Variants in FAM184A observed in about 807,000 individuals in gnomAD.
FAM184A encodes the protein protein FAM184A.
A neutral mutation model predicts 143.8 loss-of-function variants in FAM184A; 99 were observed. The ratio of observed to expected loss-of-function variants is 0.69; its 90% confidence interval spans 0.58 to 0.81. The LOEUF is 0.81. Among genes scored for constraint, FAM184A ranks in the 40% least tolerant of loss-of-function variants. The pLI, the probability that FAM184A is intolerant of heterozygous loss-of-function variation, is 0.00. For missense variants in FAM184A, 1,217 were observed against 1,310.5 expected (o/e 0.93, Z 1.10); for synonymous variants, 427 against 446.4 (o/e 0.96, Z 0.55).
Position 118,975,212 on chromosome 6 carries a change from T to TA in FAM184A, c.2584-5_2584-4insT. On this transcript the variant is annotated splice_polypyrimidine_tract_variant and splice_region_variant and intron_variant, in intron 12 of 17. Transcript: ENST00000338891. ...TTCTACATATGTGCTCCTTACTCTG[T>TA]TAAAAAAAAAAAGTCATTTTTAGAA... 1 of 1,503,984 alleles carries TA rather than the reference T, an allele frequency of 6.6e-7. No individual in the cohort carries two copies. Among genetic ancestry groups the TA allele is most frequent in the Admixed American group, 2.3e-5 (1 of 43,254 alleles). The allele number at this position is 1,503,984 out of a possible 1,614,324, so 93.2% of individuals were successfully genotyped here.
chr6:119,048,326 A>C (rs755590451), intron 1 of FAM184A, among the ~76,000 whole-genome samples: 1 of 152,218 alleles, frequency 6.6e-6, no homozygotes, highest in Non-Finnish European at 1.5e-5. Flanking sequence ...GCACAAGACA[A>C]GGATGCCCTC....
intron 1 of FAM184A, among the ~76,000 whole-genome samples, chr6:119,143,914 A>C (rs1467582479): frequency 6.6e-6 from 1 of 152,208 alleles, no homozygotes; most frequent in Non-Finnish European, 1.5e-5. Flanking sequence ...TAAATTTTAT[A>C]TGTGCATTGT....
chr6:119,083,161 C>T (rs935856257), upstream of FAM184A, among the ~76,000 whole-genome samples: 29 of 152,176 alleles, frequency 1.9e-4, 2 homozygotes, highest in African/African-American at 6.8e-4. Flanking sequence ...GGATAAAAGG[C>T]ACCAAGTCCC....
intron 4 of FAM184A, among the ~76,000 whole-genome samples, chr6:119,017,188 A>G (rs997673837): frequency 6.6e-6 from 1 of 152,226 alleles, no homozygotes; most frequent in Non-Finnish European, 1.5e-5. Flanking sequence ...GTGAGTTAAT[A>G]CATCTGCAAG....
intron 9 of FAM184A, among the ~76,000 whole-genome samples, chr6:118,996,009 T>G (rs1784534060): frequency 6.6e-6 from 1 of 152,232 alleles, no homozygotes; most frequent in Non-Finnish European, 1.5e-5. Flanking sequence ...GCACACTCTC[T>G]TTTAAAGCTA....
chr6:118,972,540 TGAAAG>T (rs1783727156), intron 14 of FAM184A, among the ~76,000 whole-genome samples: 1 of 152,112 alleles, frequency 6.6e-6, no homozygotes, highest in African/African-American at 2.4e-5. Context: ...AGCATTAAAA[TGAAAG>T]GAGAGTCTAG....
At chr6:119,112,906 C>T (rs1473680880) in intron 1 of FAM184A, among the ~76,000 whole-genome samples, 3 of 152,206 alleles carry the variant, frequency 2.0e-5, no homozygotes, top group Non-Finnish European at 4.4e-5. Context: ...CGAAGAAAAT[C>T]AGCAAAATGA....
intron 1 of FAM184A, among the ~76,000 whole-genome samples, chr6:119,032,350 G>A (rs1172471882): frequency 6.6e-6 from 1 of 151,758 alleles, no homozygotes; most frequent in African/African-American, 2.4e-5. Flanking sequence ...TATAATGAAT[G>A]TATGTTCCTA....
chr6:119,129,884 G>A (rs757744112), intron 1 of FAM184A, among the ~76,000 whole-genome samples: 1 of 152,170 alleles, frequency 6.6e-6, no homozygotes, highest in Non-Finnish European at 1.5e-5. Context: ...CTTTGGGGAT[G>A]TGGCCCAGAA....
chr6:118,975,104 A>T lies in FAM184A; in HGVS notation c.2688T>A (p.Asn896Lys). 1 of 1,613,346 alleles carries T rather than the reference A, an allele frequency of 6.2e-7. No individual in the cohort carries two copies. Among genetic ancestry groups the T allele is most frequent in the South Asian group, 1.1e-5 (1 of 91,042 alleles). Residue 896 changes from asparagine to lysine, a missense_variant, in exon 13 of 18, where the codon AAT (asparagine) becomes AAA (lysine). Coordinates refer to ENST00000338891, the MANE Select transcript of FAM184A (RefSeq NM_024581.6). The part of the protein sequence containing the change: ...LDKEVQHLHE[N>K]ISALTKELEF... ...CCAGTTCTTTGGTTAGGGCACTTAT[A>T]TTCTCATGAAGGTGCTGAACCTCCT...
chr6:119,123,861 T>C (rs537134739), intron 1 of FAM184A, among the ~76,000 whole-genome samples: 1 of 152,350 alleles, frequency 6.6e-6, no homozygotes, highest in African/African-American at 2.4e-5. Flanking sequence ...AACATTTGTT[T>C]CCTCTCTACT....
At chr6:119,122,415 G>A (rs1337121824) in intron 1 of FAM184A, among the ~76,000 whole-genome samples, 1 of 150,786 alleles carries the variant, frequency 6.6e-6, no homozygotes. Context: ...GTTGTAGCCA[G>A]CAAGGTGGCC....
chr6:119,147,446 C>T lies in FAM184A; in HGVS notation c.-202+1632G>A, dbSNP rs567909619. 7.4e-4 allele frequency among the ~76,000 whole-genome samples: 113 copies of T among 152,244 alleles called. 2 individuals are homozygous for T. The highest frequency in any genetic ancestry group is 2.7e-3 in the African/African-American group (113 of 41,522). The stretch of plus-strand genomic sequence containing the variant: ...GACATAAGATGAGGGCTCCCAACCC[C>T]CACCACCTCTTGCCAGGCTGATCCT... On this transcript the variant is annotated intron_variant, in intron 1 of 16. Coordinates refer to the FAM184A transcript ENST00000352896.
At chr6:119,090,091 T>C (rs116134071) in intron 1 of FAM184A, among the ~76,000 whole-genome samples, 22 of 152,350 alleles carry the variant, frequency 1.4e-4, no homozygotes, top group African/African-American at 5.3e-4. Flanking sequence ...TTTATCCATC[T>C]ACTTGGCTTC....
intron 9 of FAM184A, among the ~76,000 whole-genome samples, chr6:119,000,735 C>T (rs1345619012): frequency 6.6e-6 from 1 of 152,090 alleles, no homozygotes; most frequent in Non-Finnish European, 1.5e-5. Flanking sequence ...TCCTCTGATA[C>T]TTTTTCATAG....
intron 12 of FAM184A, among the ~76,000 whole-genome samples, 170 bp from the exon 13 acceptor site, chr6:118,975,378 C>A (rs73523318): frequency 0.024 from 3,629 of 152,250 alleles, 171 homozygotes; most frequent in African/African-American, 0.083. Context: ...TCTCTTTCCA[C>A]ACATATAGTG....
At chr6:119,132,726 G>C (rs1168691171) in intron 1 of FAM184A, among the ~76,000 whole-genome samples, 3 of 152,170 alleles carry the variant, frequency 2.0e-5, no homozygotes, top group Non-Finnish European at 2.9e-5. Context: ...CTAATCTTTT[G>C]CAACACAGTG....
At chr6:118,984,243 A>G (rs897665568) in intron 9 of FAM184A, among the ~76,000 whole-genome samples, 1 of 145,958 alleles carries the variant, frequency 6.9e-6, no homozygotes, top group Non-Finnish European at 1.5e-5. Flanking sequence ...ATATTTATAT[A>G]TATTTATATA....
chr6:119,069,551 A>G (rs1401531477), intron 1 of FAM184A, among the ~76,000 whole-genome samples: 2 of 152,210 alleles, frequency 1.3e-5, no homozygotes, highest in Admixed American at 1.3e-4. Flanking sequence ...CAAATGCGAC[A>G]CTTCATTTTA....
Sources: allele counts gnomAD v4.1 joint callset (sites outside exome capture counted in the v4.1 genomes callset), GRCh38; gene constraint gnomAD v4.1.1; transcripts MANE v1.5; gene names NCBI Gene and HGNC (gene_info 2026-07-23, HGNC 2026-07-21).